SPON1: variants seen among roughly 807,000 people sequenced by gnomAD.
SPON1 encodes the protein spondin 1, also known as spondin-1.
A neutral mutation model predicts 111.7 loss-of-function variants in SPON1; 52 were observed. That is an observed-to-expected ratio of 0.47 (90% confidence interval 0.37 to 0.59). SPON1 has a LOEUF of 0.59. Among genes scored for constraint, SPON1 ranks in the 20% least tolerant of loss-of-function variants. The pLI is 0.00. For synonymous variants in SPON1, 410 were observed against 395.8 expected, an observed-to-expected ratio of 1.04 and a Z score of -0.43; for missense variants, 957 against 1,068.5, an observed-to-expected ratio of 0.90 and a Z score of 1.46.
At chr11:14,151,192 G>C (rs1847783983) in intron 6 of SPON1, among the ~76,000 whole-genome samples, 2 of 152,168 alleles carry the variant, frequency 1.3e-5, no homozygotes, top group Non-Finnish European at 2.9e-5. Flanking sequence ...TAGTTTTTCA[G>C]CTCTGTTATC....
chr11:14,141,946 T>C (rs181810336), intron 6 of SPON1, among the ~76,000 whole-genome samples: 1 of 152,184 alleles, frequency 6.6e-6, no homozygotes, highest in Admixed American at 6.5e-5. Flanking sequence ...TGATCTTCCA[T>C]GCTTATGAGA....
intron 2 of SPON1, among the ~76,000 whole-genome samples, chr11:14,035,138 T>C (rs1554916481): frequency 6.6e-6 from 1 of 152,154 alleles, no homozygotes; most frequent in African/African-American, 2.4e-5. Flanking sequence ...GGTCTTTTGT[T>C]GTGGGTTGGT....
chr11:13,992,266 G>A (rs782258743), intron 2 of SPON1, among the ~76,000 whole-genome samples: 18 of 152,220 alleles, frequency 1.2e-4, no homozygotes. Context: ...GCCCAGAGAA[G>A]AGAAATCTGG....
At chr11:14,048,485 G>A (rs782644768) in intron 3 of SPON1, among the ~76,000 whole-genome samples, 14 of 152,208 alleles carry the variant, frequency 9.2e-5, no homozygotes, top group South Asian at 2.1e-4. Flanking sequence ...CAGGAGTGCC[G>A]GGAAGGAAAA....
chr11:14,022,911 G>A (rs1848491334), intron 2 of SPON1, among the ~76,000 whole-genome samples: 1 of 152,196 alleles, frequency 6.6e-6, no homozygotes, highest in Non-Finnish European at 1.5e-5. Context: ...GTTCATGTAG[G>A]TTCAACTGGA....
intron 6 of SPON1, among the ~76,000 whole-genome samples, chr11:14,193,520 G>C (rs912191317): frequency 6.6e-6 from 1 of 152,164 alleles, no homozygotes; most frequent in Admixed American, 6.5e-5. Context: ...GGTAACAGGG[G>C]TGGTCATTGG....
Position 13,975,323 on chromosome 11 carries a change from C to T in SPON1, c.239-7524C>T, listed in dbSNP as rs548249605. Among the ~76,000 whole-genome samples, 338 of 152,258 alleles carry T rather than the reference C, an allele frequency of 2.2e-3. 2 individuals are homozygous for T. The highest frequency in any genetic ancestry group is 3.6e-3 in the Non-Finnish European group (244 of 68,026). ...GGTTGATGTATTGCTCAAGGTAACC[C>T]ATGGGAACTTTGGAAAAGGGACCAG... On this transcript the variant is annotated intron_variant, in intron 1 of 15. Coordinates refer to ENST00000576479, the MANE Select transcript of SPON1 (RefSeq NM_006108.4).
intron 5 of SPON1, among the ~76,000 whole-genome samples, chr11:14,124,725 T>C (rs1419638440): frequency 6.6e-6 from 1 of 152,228 alleles, no homozygotes; most frequent in Non-Finnish European, 1.5e-5. Flanking sequence ...ATACATAAAA[T>C]ATAAGACTTT....
chr11:14,038,610 A>T (rs1327068302), intron 2 of SPON1, among the ~76,000 whole-genome samples: 1 of 152,256 alleles, frequency 6.6e-6, no homozygotes, highest in Non-Finnish European at 1.5e-5. Context: ...TATGTTCAAC[A>T]TCATACGTCA....
At chr11:14,117,482 TA>T (rs1350264077) in intron 5 of SPON1, among the ~76,000 whole-genome samples, 1 of 152,224 alleles carries the variant, frequency 6.6e-6, no homozygotes, top group Non-Finnish European at 1.5e-5. Flanking sequence ...TTGTATTGAT[TA>T]AATTTTGAAT....
intron 6 of SPON1, among the ~76,000 whole-genome samples, chr11:14,152,969 A>G (rs1456469774): frequency 6.6e-6 from 1 of 152,182 alleles, no homozygotes; most frequent in Admixed American, 6.6e-5. Context: ...TATCAAGTAC[A>G]TATAATACAC....
intron 6 of SPON1, among the ~76,000 whole-genome samples, chr11:14,187,955 A>G (rs563763887): frequency 1.3e-5 from 2 of 152,002 alleles, no homozygotes; most frequent in Non-Finnish European, 2.9e-5. Context: ...CTAATTTTGT[A>G]TTATTAGTAG....
rs1272757555 is a variant in SPON1 at position 13,963,151 on chromosome 11, C to G, written c.238+9C>G. ...GGGAACCAGCTACCGCGGTAAGTGGCCGCCCGGCGTGGCATTAGGAGAGCG... is the reference window on the plus strand; with the variant it reads ...GGGAACCAGCTACCGCGGTAAGTGGGCGCCCGGCGTGGCATTAGGAGAGCG... On this transcript the variant is annotated intron_variant, in intron 1 of 15. Coordinates refer to ENST00000576479, the MANE Select transcript of SPON1 (RefSeq NM_006108.4). 1.3e-6 allele frequency: 2 copies of G among 1,489,440 alleles called. No individual in the cohort carries two copies. Among genetic ancestry groups the G allele is most frequent in the Non-Finnish European group, 1.8e-6 (2 of 1,114,570 alleles). The allele number at this position is 1,489,440 out of a possible 1,614,324, so 92.3% of individuals were successfully genotyped here.
chr11:13,966,219 C>T (rs782081993), intron 1 of SPON1, among the ~76,000 whole-genome samples: 15 of 152,152 alleles, frequency 9.9e-5, no homozygotes, highest in South Asian at 2.1e-4. Context: ...CTCCCTCCAA[C>T]GGCAATAATT....
intron 7 of SPON1, among the ~76,000 whole-genome samples, chr11:14,243,961 C>G (rs781950029): frequency 1.3e-5 from 2 of 152,152 alleles, no homozygotes; most frequent in Non-Finnish European, 2.9e-5. Context: ...TCCACCTGGA[C>G]CTTAAACTCA....
chr11:14,084,223 G>A (rs890669915), intron 5 of SPON1, among the ~76,000 whole-genome samples: 4 of 151,622 alleles, frequency 2.6e-5, no homozygotes, highest in South Asian at 2.1e-4. Context: ...TGGTTTTGCC[G>A]CACCTATCAA....
At chr11:13,974,671 CT>C (rs1848088474) in intron 1 of SPON1, among the ~76,000 whole-genome samples, 1 of 152,122 alleles carries the variant, frequency 6.6e-6, no homozygotes, top group South Asian at 2.1e-4. Flanking sequence ...ACTGATGTGG[CT>C]TTTAGGGCAA....
At chr11:14,221,509 A>T (rs576375374) in intron 6 of SPON1, among the ~76,000 whole-genome samples, 1 of 152,332 alleles carries the variant, frequency 6.6e-6, no homozygotes, top group Non-Finnish European at 1.5e-5. Flanking sequence ...TTAAAACATT[A>T]TAATACAGTG....
At chr11:14,218,539 GTGAA>G (rs1258655215) in intron 6 of SPON1, among the ~76,000 whole-genome samples, 1 of 152,192 alleles carries the variant, frequency 6.6e-6, no homozygotes, top group Non-Finnish European at 1.5e-5. Flanking sequence ...TAAATGAGTG[GTGAA>G]TGAATGAAGT....
Sources: gnomAD v4.1 joint callset for allele counts (sites outside exome capture counted in the v4.1 genomes callset) on GRCh38, gnomAD v4.1.1 for gene constraint, MANE v1.5 for transcripts, NCBI Gene and HGNC (gene_info 2026-07-23, HGNC 2026-07-21) for gene names.